GALNT13: variants seen among roughly 807,000 people sequenced by gnomAD.
GALNT13 encodes polypeptide N-acetylgalactosaminyltransferase 13.
A neutral mutation model predicts 64.2 loss-of-function variants in GALNT13; 28 were observed. That is an observed-to-expected ratio of 0.44 (90% confidence interval 0.32 to 0.60). GALNT13 has a LOEUF of 0.60. Ranked by LOEUF, GALNT13 falls within the 20% of genes least tolerant of loss-of-function variation. The probability of loss-of-function intolerance (pLI) is 0.05; values close to 1 mark genes in which losing one functional copy is unlikely to be tolerated. For synonymous variants in GALNT13, 214 were observed against 224.6 expected (o/e 0.95, Z 0.42); for missense variants, 577 against 669.8 (o/e 0.86, Z 1.53).
the GALNT13 span, among the ~76,000 whole-genome samples, chr2:153,316,808 G>A: frequency 6.6e-6 from 1 of 152,004 alleles, no homozygotes; most frequent in Non-Finnish European, 1.5e-5. Context: ...AAAGGGGCCC[G>A]CACAGGTAGG....
intron 3 of GALNT13, among the ~76,000 whole-genome samples, chr2:154,118,993 CATT>C: frequency 6.6e-6 from 1 of 152,254 alleles, no homozygotes. Flanking sequence ...ACACACACAT[CATT>C]AAAATCCTAG....
At chr2:153,379,770 C>T in the GALNT13 span, among the ~76,000 whole-genome samples, 7 of 152,054 alleles carry the variant, frequency 4.6e-5, no homozygotes, top group African/African-American at 1.7e-4. Flanking sequence ...CTTTTACATA[C>T]ACTCATTCAG....
chr2:153,134,643 T>G, the GALNT13 span, among the ~76,000 whole-genome samples: 1 of 152,128 alleles, frequency 6.6e-6, no homozygotes, highest in Admixed American at 6.6e-5. Context: ...CTTCTAGAAC[T>G]TAGTGCCCAA....
At chr2:153,129,062 C>T in the GALNT13 span, among the ~76,000 whole-genome samples, 3 of 152,106 alleles carry the variant, frequency 2.0e-5, no homozygotes, top group Non-Finnish European at 4.4e-5. Flanking sequence ...TAAGAGTATG[C>T]CCTGAGCACA....
At chr2:153,188,257 AT>A in the GALNT13 span, among the ~76,000 whole-genome samples, 1 of 152,106 alleles carries the variant, frequency 6.6e-6, no homozygotes, top group Non-Finnish European at 1.5e-5. Context: ...AAGACATTTA[AT>A]TTTACCTCCT....
At chr2:153,345,650 T>C in the GALNT13 span, among the ~76,000 whole-genome samples, 1 of 130,462 alleles carries the variant, frequency 7.7e-6, no homozygotes, top group East Asian at 2.3e-4. Flanking sequence ...TTTCTTTCTT[T>C]CTTTCTTTCT....
chr2:153,891,456 G>T (rs549282350), intron 1 of GALNT13, among the ~76,000 whole-genome samples: 1 of 151,970 alleles, frequency 6.6e-6, no homozygotes, highest in Non-Finnish European at 1.5e-5. Context: ...AAATCACAAC[G>T]CCTTTATGAT....
the GALNT13 span, among the ~76,000 whole-genome samples, chr2:153,257,068 A>G: frequency 3.2e-4 from 48 of 152,312 alleles, 1 homozygote; most frequent in East Asian, 6.8e-3. Context: ...CCGCCTTGCA[A>G]TTTGATCTCA....
At chr2:153,590,000 AAAT>A in the GALNT13 span, among the ~76,000 whole-genome samples, 3 of 152,202 alleles carry the variant, frequency 2.0e-5, no homozygotes, top group South Asian at 2.1e-4. Context: ...TAGTAGAAGA[AAAT>A]AATAAGATCA....
At chr2:153,906,729 A>G (rs1688590427) in intron 2 of GALNT13, among the ~76,000 whole-genome samples, 2 of 151,876 alleles carry the variant, frequency 1.3e-5, no homozygotes, top group Admixed American at 1.3e-4. Flanking sequence ...TCTTTATAGC[A>G]GCATGATTTA....
chr2:153,082,602 TATATATATATATATATACACACACACAC>T, the GALNT13 span, among the ~76,000 whole-genome samples: 2 of 45,532 alleles, frequency 4.4e-5, no homozygotes, highest in African/African-American at 9.9e-5. Context: ...TATATATATA[TATATATATATATATATACACACACACAC>T]ACACACACAC....
At chr2:153,985,810 T>G (rs1247450124) in intron 3 of GALNT13, among the ~76,000 whole-genome samples, 3 of 152,022 alleles carry the variant, frequency 2.0e-5, no homozygotes, top group Non-Finnish European at 2.9e-5. Flanking sequence ...ATTTTCCTGT[T>G]TCATTATTTA....
At chr2:153,627,472 G>C in the GALNT13 span, among the ~76,000 whole-genome samples, 2 of 152,030 alleles carry the variant, frequency 1.3e-5, no homozygotes, top group Non-Finnish European at 2.9e-5. Flanking sequence ...ATGTAGACTT[G>C]ACATGATTTA....
chr2:153,159,093 G>T, the GALNT13 span: 1 of 163,518 alleles, frequency 6.1e-6, no homozygotes. Flanking sequence ...ATATGGAGGA[G>T]AAGTTCATCT....
chr2:153,387,418 C>G, the GALNT13 span, among the ~76,000 whole-genome samples: 3 of 152,074 alleles, frequency 2.0e-5, no homozygotes, highest in South Asian at 2.1e-4. Flanking sequence ...TCCACTCCCC[C>G]ACTCAGGGTC....
chr2:153,988,941 G>A (rs533942366), intron 3 of GALNT13, among the ~76,000 whole-genome samples: 2 of 151,964 alleles, frequency 1.3e-5, no homozygotes, highest in South Asian at 4.2e-4. Flanking sequence ...TCATCATGTT[G>A]AATTTAAATT....
At chr2:153,426,295 A>G in the GALNT13 span, among the ~76,000 whole-genome samples, 1 of 151,810 alleles carries the variant, frequency 6.6e-6, no homozygotes, top group East Asian at 1.9e-4. Flanking sequence ...AGAGATATCT[A>G]AAGAACAAGA....
At chr2:154,438,769 T>G (rs1238024381) in intron 12 of GALNT13, 43 bp downstream of exon 12, 1 of 1,456,230 alleles carries the variant, frequency 6.9e-7, no homozygotes, top group Non-Finnish European at 9.5e-7. Context: ...ATGCTTAAGC[T>G]CAGTTATATA....
At chr2:154,225,172 A>AGAT (rs1559035186) in intron 4 of GALNT13, among the ~76,000 whole-genome samples, 12 of 143,660 alleles carry the variant, frequency 8.4e-5, no homozygotes, top group Non-Finnish European at 1.7e-4. Flanking sequence ...ATAGATAGAT[A>AGAT]GATAGATAGA....
Sources: gnomAD v4.1 joint callset for allele counts (sites outside exome capture counted in the v4.1 genomes callset) on GRCh38, gnomAD v4.1.1 for gene constraint, MANE v1.5 for transcripts, NCBI Gene and HGNC (gene_info 2026-07-23, HGNC 2026-07-21) for gene names.